The following TRABD2A variants were observed in gnomAD, a reference collection of about 807,000 sequenced individuals.
TRABD2A encodes the protein TraB domain containing 2A, also known as metalloprotease TIKI1.
In TRABD2A, 43 loss-of-function variants were observed where a neutral mutation model predicts 45.6. The ratio of observed to expected loss-of-function variants is 0.94; its 90% CI spans 0.74 to 1.22. TRABD2A has a LOEUF of 1.22. Ranked by LOEUF, TRABD2A falls within the 50% of genes most tolerant of loss-of-function variation. TRABD2A has a pLI of 0.00. For missense variants in TRABD2A, 642 were observed against 652.4 expected (o/e 0.98, Z 0.17); for synonymous variants, 269 against 265.0 (o/e 1.02, Z -0.15).
At chr2:84,859,985 C>T (rs367918271) in intron 2 of TRABD2A, among the ~76,000 whole-genome samples, 4 of 151,908 alleles carry the variant, frequency 2.6e-5, no homozygotes, top group Non-Finnish European at 4.4e-5. Context: ...AGGCTGGTCT[C>T]GAACTCCTGG....
At position 84,830,883 on chromosome 2, in the gene TRABD2A, A is replaced by G. The variant is rs905553792; in HGVS notation, c.1082+1172T>C. On this transcript the variant is annotated intron_variant, in intron 5 of 6. Transcript: ENST00000409520. The surrounding 1 kb of genome is among the most constrained non-coding windows in gnomAD (Gnocchi z 4.9). ...GGAGATGGGCGGCCTTCGGGCAGAC[A>G]CAACTGCTGGATCCTCTGCCAGGGG... Among the ~76,000 whole-genome samples, 1 of 152,174 alleles carries G rather than the reference A, an allele frequency of 6.6e-6. No individual in the cohort carries two copies. Among genetic ancestry groups the G allele is most frequent in the African/African-American group, 2.4e-5 (1 of 41,436 alleles).
rs754667701 is a variant in TRABD2A at position 84,824,179 on chromosome 2, G to A, written c.1108C>T (p.Arg370Trp). ...HKGKSKKTST[R>W]PTLSTIFAPK... ...GCAAAGATGGTGGACAGAGTGGGCC[G>A]TGTGGAGGTCTTTTTACTCTTCCCT... The change falls in exon 6 of 7, where the codon CGG becomes TGG. Residue 370 changes from arginine (R) to tryptophan (W), a missense_variant. Transcript: ENST00000409520. 1.2e-6 allele frequency: 2 copies of A among 1,613,818 alleles called. No individual in the cohort carries two copies. The highest frequency in any genetic ancestry group is 2.2e-5 in the East Asian group (1 of 44,900).
intron 1 of TRABD2A, among the ~76,000 whole-genome samples, 156 bp downstream of exon 1, chr2:84,880,776 A>C (rs974154643): frequency 3.9e-5 from 6 of 152,168 alleles, no homozygotes; most frequent in Non-Finnish European, 8.8e-5. Flanking sequence ...GAGGGCACGG[A>C]GAGGAGAGCG....
intron 4 of TRABD2A, chr2:84,835,174 A>T (rs909339503): frequency 2.6e-5 from 4 of 152,156 alleles, no homozygotes; most frequent in African/African-American, 9.7e-5. Context: ...CAAGACTCAG[A>T]CTCTATTTAA....
At chr2:84,840,011 G>A (rs546239397) in intron 3 of TRABD2A, among the ~76,000 whole-genome samples, 232 of 152,056 alleles carry the variant, frequency 1.5e-3, no homozygotes, top group Admixed American at 4.5e-3. Flanking sequence ...TCAGCTGTCT[G>A]GCTTCCCAAA....
At chr2:84,842,430 C>T (rs927817244) in intron 2 of TRABD2A, among the ~76,000 whole-genome samples, 2 of 152,148 alleles carry the variant, frequency 1.3e-5, no homozygotes, top group Admixed American at 6.5e-5. Flanking sequence ...CTTTTCTAAC[C>T]ATCAATGCAG....
chr2:84,850,716 C>T (rs1682057043), intron 2 of TRABD2A: 1 of 152,244 alleles, frequency 6.6e-6, no homozygotes, highest in African/African-American at 2.4e-5. Context: ...TCAACCCCTC[C>T]ATGGGGGGCC....
At chr2:84,842,900 A>C (rs1681759703) in intron 2 of TRABD2A, among the ~76,000 whole-genome samples, 1 of 151,940 alleles carries the variant, frequency 6.6e-6, no homozygotes, top group African/African-American at 2.4e-5. Flanking sequence ...TTGTTGAAAC[A>C]TATTTTGGGA....
At chr2:84,856,491 G>T (rs1014243709) in intron 2 of TRABD2A, among the ~76,000 whole-genome samples, 1 of 152,118 alleles carries the variant, frequency 6.6e-6, no homozygotes. Flanking sequence ...GGCAGAGGCA[G>T]CAGGGAAGCG....
intron 2 of TRABD2A, among the ~76,000 whole-genome samples, chr2:84,861,799 C>G (rs1026353430): frequency 6.6e-6 from 1 of 152,200 alleles, no homozygotes; most frequent in Non-Finnish European, 1.5e-5. Context: ...GCCCAAAGCA[C>G]CCGCAAGAGC....
chr2:84,851,777 C>T (rs1682106007), intron 2 of TRABD2A, among the ~76,000 whole-genome samples: 2 of 152,222 alleles, frequency 1.3e-5, no homozygotes, highest in African/African-American at 4.8e-5. Context: ...ACGAGGTTCC[C>T]TGGGGAACTG....
At chr2:84,867,363 A>G (rs1279172798) in intron 2 of TRABD2A, among the ~76,000 whole-genome samples, 1 of 152,178 alleles carries the variant, frequency 6.6e-6, no homozygotes, top group Non-Finnish European at 1.5e-5. Context: ...CTTAAGAGAC[A>G]GTGTTGCTGG....
chr2:84,838,969 T>C (rs1224529414), intron 4 of TRABD2A, 180 bp downstream of exon 4: 3 of 635,138 alleles, frequency 4.7e-6, no homozygotes, highest in Non-Finnish European at 8.1e-6. Flanking sequence ...ATTTCAACCA[T>C]GCTGGATGCT....
At chr2:84,858,999 A>T (rs1419632380) in intron 2 of TRABD2A, among the ~76,000 whole-genome samples, 3 of 152,170 alleles carry the variant, frequency 2.0e-5, no homozygotes, top group African/African-American at 7.2e-5. Flanking sequence ...TGCATCACAG[A>T]TTCAAAAACT....
chr2:84,880,800 G>C, intron 1 of TRABD2A, 132 bp downstream of exon 1: 3 of 1,342,774 alleles, frequency 2.2e-6, no homozygotes, highest in African/African-American at 3.0e-5. Flanking sequence ...AAGGAGCGCC[G>C]CGGTGCTAGG....
intron 2 of TRABD2A, among the ~76,000 whole-genome samples, chr2:84,850,041 T>C (rs1280426489): frequency 6.6e-6 from 1 of 152,214 alleles, no homozygotes; most frequent in Non-Finnish European, 1.5e-5. Context: ...GTTGGTGGAA[T>C]GTTCCAAGGA....
chr2:84,822,386 G>A (rs1236703714), intron 6 of TRABD2A, among the ~76,000 whole-genome samples: 3 of 152,146 alleles, frequency 2.0e-5, no homozygotes, highest in Non-Finnish European at 4.4e-5. Context: ...GTATAAGGCC[G>A]AATTCAAAGT....
In TRABD2A at chr2:84,865,876, C is replaced by G. The variant is rs375954201; in HGVS notation, c.669+4349G>C. Among the ~76,000 whole-genome samples the G allele has an allele frequency of 1.1e-4, 17 of 152,244 alleles. 1 individual carries two copies. Among genetic ancestry groups the G allele is most frequent in the Admixed American group, 6.5e-4 (10 of 15,290 alleles). On this transcript the variant is annotated intron_variant, in intron 2 of 6. Transcript: ENST00000409520. Reference sequence around the variant, plus strand: ...AGACACCACCCTGCTGAGCCCACTCCGCTGAGCCTCCAGGTCCAAGCTATG... The same window carrying G: ...AGACACCACCCTGCTGAGCCCACTCGGCTGAGCCTCCAGGTCCAAGCTATG...
intron 1 of TRABD2A, among the ~76,000 whole-genome samples, chr2:84,871,015 T>C (rs1258672993): frequency 3.3e-5 from 5 of 152,310 alleles, no homozygotes; most frequent in Middle Eastern, 3.4e-3. Flanking sequence ...CTTGGCTGTA[T>C]GTTGGGATCA....
Sources: allele counts gnomAD v4.1 joint callset (sites outside exome capture counted in the v4.1 genomes callset), GRCh38; gene constraint gnomAD v4.1.1; non-coding constraint Gnocchi (gnomAD v3.1); transcripts MANE v1.5; gene names NCBI Gene and HGNC (gene_info 2026-07-23, HGNC 2026-07-21).